GALNT13: variants seen among roughly 807,000 people sequenced by gnomAD.
GALNT13 encodes UDP-GalNAc:polypeptide N-acetylgalactosaminyltransferase 13.
In GALNT13, 28 loss-of-function variants were observed where a neutral mutation model predicts 64.2. The observed-to-expected ratio is 0.44, with a 90% CI of 0.32 to 0.60. The LOEUF (loss-of-function observed/expected upper bound fraction) is 0.60. Ranked by LOEUF, GALNT13 falls within the 20% of genes least tolerant of loss-of-function variation. The probability of loss-of-function intolerance (pLI) is 0.05; values close to 1 mark genes in which losing one functional copy is unlikely to be tolerated. For missense variants in GALNT13, 577 were observed against 669.8 expected (o/e 0.86, Z 1.53); for synonymous variants, 214 against 224.6 (o/e 0.95, Z 0.42).
the GALNT13 span, among the ~76,000 whole-genome samples, chr2:153,678,901 A>G: frequency 6.6e-6 from 1 of 152,016 alleles, no homozygotes; most frequent in Non-Finnish European, 1.5e-5. Flanking sequence ...TATGCTTCCC[A>G]GTAGGCCACA....
the GALNT13 span, among the ~76,000 whole-genome samples, chr2:153,747,542 C>T: frequency 1.3e-5 from 2 of 150,694 alleles, no homozygotes; most frequent in South Asian, 4.2e-4. Flanking sequence ...ATTCTTCTGC[C>T]TCAGACTCAC....
At chr2:153,337,602 A>G in the GALNT13 span, 1 of 152,242 alleles carries the variant, frequency 6.6e-6, no homozygotes, top group Non-Finnish European at 1.5e-5. Context: ...GTAAACTATA[A>G]AAGTATTTAT....
intron 3 of GALNT13, among the ~76,000 whole-genome samples, chr2:153,993,941 G>T (rs1186299738): frequency 2.0e-5 from 3 of 151,888 alleles, no homozygotes; most frequent in African/African-American, 7.3e-5. Context: ...TATACTTTAA[G>T]TTCTAGAGTA....
the GALNT13 span, among the ~76,000 whole-genome samples, chr2:153,225,523 T>C: frequency 6.6e-6 from 1 of 152,096 alleles, no homozygotes; most frequent in African/African-American, 2.4e-5. Flanking sequence ...AAATAAAAGA[T>C]ATATAGATTG....
the GALNT13 span, chr2:153,478,392 C>A: frequency 6.2e-7 from 1 of 1,614,080 alleles, no homozygotes; most frequent in South Asian, 1.1e-5. Context: ...TGACCGCGAT[C>A]TGCACCACGC....
chr2:154,112,452 A>G (rs1703040370), intron 3 of GALNT13, among the ~76,000 whole-genome samples: 1 of 152,218 alleles, frequency 6.6e-6, no homozygotes, highest in Non-Finnish European at 1.5e-5. Flanking sequence ...GAGCACTCAC[A>G]TAGCATACAA....
intron 4 of GALNT13, among the ~76,000 whole-genome samples, chr2:154,208,568 C>G (rs1444593925): frequency 6.6e-6 from 1 of 151,056 alleles, no homozygotes; most frequent in Non-Finnish European, 1.5e-5. Context: ...CTGTTTGACC[C>G]TGGAATCTGA....
the GALNT13 span, among the ~76,000 whole-genome samples, chr2:153,229,793 A>G: frequency 6.6e-6 from 1 of 152,328 alleles, no homozygotes; most frequent in South Asian, 2.1e-4. Context: ...CCTCTGTTTC[A>G]CAGGTCACTG....
chr2:153,247,657 A>C, the GALNT13 span, among the ~76,000 whole-genome samples: 1 of 152,214 alleles, frequency 6.6e-6, no homozygotes, highest in Non-Finnish European at 1.5e-5. Context: ...TAAAATAACT[A>C]GACAAGCAGG....
the GALNT13 span, among the ~76,000 whole-genome samples, chr2:153,254,520 A>G: frequency 1.6e-3 from 250 of 152,076 alleles, 7 homozygotes; most frequent in East Asian, 0.042. Flanking sequence ...GCTTTTGAAT[A>G]TGTTTGCCCT....
the GALNT13 span, among the ~76,000 whole-genome samples, chr2:153,179,040 G>A: frequency 6.6e-6 from 1 of 152,022 alleles, no homozygotes; most frequent in Non-Finnish European, 1.5e-5. Context: ...ACCGCACCCA[G>A]CCACAATCCC....
At chr2:153,865,041 G>C in the GALNT13 span, among the ~76,000 whole-genome samples, 4 of 149,330 alleles carry the variant, frequency 2.7e-5, no homozygotes, top group East Asian at 7.8e-4. Context: ...ACAAACCTGA[G>C]AAAAACAAGT....
the GALNT13 span, among the ~76,000 whole-genome samples, chr2:153,537,879 T>C: frequency 6.6e-5 from 10 of 152,226 alleles, no homozygotes; most frequent in East Asian, 1.5e-3. Context: ...GTTAAATCTC[T>C]TTCTTTTAAA....
chr2:153,339,802 T>C, the GALNT13 span, among the ~76,000 whole-genome samples: 16 of 152,326 alleles, frequency 1.1e-4, no homozygotes, highest in Admixed American at 2.6e-4. Flanking sequence ...AAGGGTCTAA[T>C]TTTATTTTTT....
chr2:153,847,844 C>T, the GALNT13 span, among the ~76,000 whole-genome samples: 1 of 152,044 alleles, frequency 6.6e-6, no homozygotes, highest in South Asian at 2.1e-4. Flanking sequence ...TTGGAGAGAG[C>T]AGTTGGTGAA....
At chr2:154,364,150 G>A (rs1232784774) in intron 9 of GALNT13, among the ~76,000 whole-genome samples, 1 of 152,068 alleles carries the variant, frequency 6.6e-6, no homozygotes, top group Non-Finnish European at 1.5e-5. Flanking sequence ...TCTATTTATA[G>A]GCAAGCTATA....
At chr2:153,709,518 G>C in the GALNT13 span, among the ~76,000 whole-genome samples, 1 of 152,018 alleles carries the variant, frequency 6.6e-6, no homozygotes, top group Non-Finnish European at 1.5e-5. Flanking sequence ...GTGGAGGAAA[G>C]GGAATTCTTG....
intron 4 of GALNT13, among the ~76,000 whole-genome samples, chr2:154,232,991 T>C (rs1689003277): frequency 7.4e-6 from 1 of 135,038 alleles, no homozygotes; most frequent in South Asian, 2.2e-4. Context: ...AGTGAATCAA[T>C]ATCTTGCCAC....
At chr2:153,661,436 G>A in the GALNT13 span, among the ~76,000 whole-genome samples, 4 of 152,068 alleles carry the variant, frequency 2.6e-5, no homozygotes, top group Admixed American at 1.3e-4. Context: ...ACCTGCCAAG[G>A]CATATCACAT....
Sources: gnomAD v4.1 joint callset for allele counts (sites outside exome capture counted in the v4.1 genomes callset) on GRCh38, gnomAD v4.1.1 for gene constraint, MANE v1.5 for transcripts, NCBI Gene and HGNC (gene_info 2026-07-23, HGNC 2026-07-21) for gene names.